The following LGSN variants were observed in gnomAD, a reference collection of about 807,000 sequenced individuals.
LGSN encodes lengsin.
LGSN carries 21 observed loss-of-function variants against 19.5 expected under a neutral mutation model. The ratio of observed to expected loss-of-function variants is 1.07; its 90% CI spans 0.76 to 1.55. The LOEUF (loss-of-function observed/expected upper bound fraction) is 1.55. LGSN is among the 40% of genes most tolerant of loss of function. The probability of loss-of-function intolerance (pLI) is 0.00; values close to 1 mark genes in which losing one functional copy is unlikely to be tolerated. For synonymous variants in LGSN, 257 were observed against 215.6 expected (o/e 1.19, Z -1.68); for missense variants, 673 against 608.5 (o/e 1.11, Z -1.12).
At chr6:63,356,917 G>A in the LGSN span, among the ~76,000 whole-genome samples, 2 of 151,772 alleles carry the variant, frequency 1.3e-5, no homozygotes, top group African/African-American at 2.4e-5. Context: ...TGCCATGTTG[G>A]TATGCTGCAC....
intron 3 of LGSN, among the ~76,000 whole-genome samples, chr6:63,283,778 G>A (rs1364858058): frequency 6.6e-6 from 1 of 152,018 alleles, no homozygotes; most frequent in Non-Finnish European, 1.5e-5. Flanking sequence ...TCGGCTCACT[G>A]CAACCTCCGC....
the LGSN span, among the ~76,000 whole-genome samples, chr6:63,492,433 C>T: frequency 2.0e-5 from 3 of 152,264 alleles, no homozygotes; most frequent in South Asian, 2.1e-4. Context: ...TGAAAACATC[C>T]GTAATTATAC....
At chr6:63,331,487 G>A in the LGSN span, among the ~76,000 whole-genome samples, 9 of 152,288 alleles carry the variant, frequency 5.9e-5, no homozygotes, top group South Asian at 4.1e-4. Context: ...CATTTCAAGC[G>A]TGAGCCTGTT....
the LGSN span, among the ~76,000 whole-genome samples, chr6:63,466,903 G>C: frequency 6.6e-6 from 1 of 152,082 alleles, no homozygotes. Context: ...TCAGGGGAAA[G>C]GTTTGGGTTT....
the LGSN span, among the ~76,000 whole-genome samples, chr6:63,414,633 A>G: frequency 6.6e-6 from 1 of 152,266 alleles, no homozygotes; most frequent in African/African-American, 2.4e-5. Flanking sequence ...CTTTAAAAAA[A>G]TAGAAAATGT....
chr6:63,403,642 A>G, the LGSN span, among the ~76,000 whole-genome samples: 1 of 152,204 alleles, frequency 6.6e-6, no homozygotes, highest in South Asian at 2.1e-4. Context: ...CCAGAAAAGG[A>G]AAAAAAGAGA....
chr6:63,349,813 T>C, the LGSN span, among the ~76,000 whole-genome samples: 1 of 152,324 alleles, frequency 6.6e-6, no homozygotes, highest in South Asian at 2.1e-4. Flanking sequence ...GATTGAGTTC[T>C]GTGCTCAAGT....
At chr6:63,530,724 A>T in the LGSN span, among the ~76,000 whole-genome samples, 1 of 152,246 alleles carries the variant, frequency 6.6e-6, no homozygotes, top group Non-Finnish European at 1.5e-5. Flanking sequence ...AAGTACATCA[A>T]AATGAAATTT....
the LGSN span, among the ~76,000 whole-genome samples, chr6:63,489,237 T>C: frequency 6.6e-6 from 1 of 152,216 alleles, no homozygotes; most frequent in Non-Finnish European, 1.5e-5. Flanking sequence ...ATTTATCCAA[T>C]AAATACACAA....
the LGSN span, chr6:63,549,217 G>T: frequency 1.4e-6 from 1 of 718,444 alleles, no homozygotes; most frequent in Non-Finnish European, 2.5e-6. Flanking sequence ...TTGTGGGCCA[G>T]CTGAAGTAGC....
chr6:63,318,684 A>G (rs768222209), intron 1 of LGSN, among the ~76,000 whole-genome samples: 1 of 152,062 alleles, frequency 6.6e-6, no homozygotes, highest in Admixed American at 6.6e-5. Context: ...TTTGGTCTAG[A>G]CTGGTCTTGA....
the LGSN span, chr6:63,572,695 A>G: frequency 1.5e-5 from 6 of 402,068 alleles, no homozygotes; most frequent in Admixed American, 4.4e-5. Flanking sequence ...TTAGGCCACA[A>G]TCTTCAATGA....
chr6:63,386,859 G>A, the LGSN span, among the ~76,000 whole-genome samples: 1 of 152,156 alleles, frequency 6.6e-6, no homozygotes, highest in Admixed American at 6.6e-5. Flanking sequence ...AATACTTTGG[G>A]AGGCCAAGGC....
chr6:63,341,319 T>A, the LGSN span, among the ~76,000 whole-genome samples: 3 of 152,338 alleles, frequency 2.0e-5, no homozygotes, highest in Non-Finnish European at 4.4e-5. Flanking sequence ...GTAGGTGGTA[T>A]GGACTGATCC....
chr6:63,526,839 ATT>A, the LGSN span, among the ~76,000 whole-genome samples: 2 of 141,434 alleles, frequency 1.4e-5, no homozygotes, highest in Non-Finnish European at 3.1e-5. Context: ...ATATATATTT[ATT>A]TATTTATTCT....
the LGSN span, among the ~76,000 whole-genome samples, chr6:63,368,077 A>G: frequency 1.3e-5 from 2 of 151,866 alleles, no homozygotes; most frequent in African/African-American, 2.4e-5. Flanking sequence ...GTACCCTAGA[A>G]CTTAAAGTAT....
At chr6:63,557,612 A>C in the LGSN span, among the ~76,000 whole-genome samples, 3 of 152,142 alleles carry the variant, frequency 2.0e-5, no homozygotes, top group Non-Finnish European at 1.5e-5. Flanking sequence ...GGGAAGTAGC[A>C]AGAGAAAATT....
rs5876850 is a variant in LGSN at position 63,277,017 on chromosome 6, C to CA, written c.*3003dup. ...ACTGAAATCTTGGTGGAAACTGCCA[C>CA]ACCAACTTACGTTATCAACTGATTT... On this transcript the variant is annotated 3_prime_UTR_variant, in exon 4 of 4. Transcript: ENST00000370657. 67,462 of 152,006 alleles carry CA rather than the reference C, an allele frequency of 0.44. 15,464 individuals are homozygous for CA. The highest frequency in any genetic ancestry group is 0.48 in the Non-Finnish European group (32,416 of 67,954). 9.4% of individuals were successfully genotyped at this position (152,006 alleles called of 1,614,324 possible). A position where few individuals can be genotyped will look rare whatever the true frequency, so the allele number is the denominator to read the frequency against.
the LGSN span, among the ~76,000 whole-genome samples, chr6:63,383,823 G>A: frequency 3.3e-5 from 5 of 151,906 alleles, no homozygotes; most frequent in Admixed American, 1.3e-4. Context: ...GATCAGAGAG[G>A]GTAAATAACT....
Sources: gnomAD v4.1 joint callset for allele counts (sites outside exome capture counted in the v4.1 genomes callset) on GRCh38, gnomAD v4.1.1 for gene constraint, MANE v1.5 for transcripts, NCBI Gene and HGNC (gene_info 2026-07-23, HGNC 2026-07-21) for gene names.